The following MMEL1 variants were observed in gnomAD, a reference collection of about 807,000 sequenced individuals.
The protein encoded by MMEL1 is membrane metallo-endopeptidase-like 1.
In MMEL1, 98 loss-of-function variants were observed where a neutral mutation model predicts 117.1. The observed-to-expected ratio is 0.84, with a 90% CI of 0.71 to 0.99. The LOEUF is 0.99. MMEL1 is among the 50% of genes least tolerant of loss of function. The pLI is 0.00. For synonymous variants in MMEL1, 390 were observed against 415.1 expected, an observed-to-expected ratio of 0.94 and a Z score of 0.74; for missense variants, 1,014 against 1,049.1, an observed-to-expected ratio of 0.97 and a Z score of 0.46.
intron 19 of MMEL1, among the ~76,000 whole-genome samples, 185 bp from the exon 20 acceptor site, chr1:2,593,151 G>T (rs1325190659): frequency 6.6e-6 from 1 of 152,204 alleles, no homozygotes; most frequent in South Asian, 2.1e-4. Context: ...GCTGTCTGGG[G>T]CTACACAGCC....
Position 2,595,037 on chromosome 1 carries a change from G to T in MMEL1, c.1585-144C>A. On this transcript the variant is annotated intron_variant, in intron 16 of 23. Coordinates refer to ENST00000378412, the MANE Select transcript of MMEL1 (RefSeq NM_033467.4). The surrounding 1 kb of genome is among the most constrained non-coding windows in gnomAD (Gnocchi z 4.8). The stretch of plus-strand genomic sequence containing the variant: ...AGTCGGCTGTGGGTGCAGGTGAACG[G>T]GGCAGCCCTGGCTGTGGGCATTTAC... 1 of 731,138 alleles carries T rather than the reference G, an allele frequency of 1.4e-6. No homozygotes were observed. Among genetic ancestry groups the T allele is most frequent in the Non-Finnish European group, 2.3e-6 (1 of 433,602 alleles). 45.3% of individuals were successfully genotyped at this position (731,138 alleles called of 1,614,324 possible). A position where few individuals can be genotyped will look rare whatever the true frequency, so the allele number is the denominator to read the frequency against.
chr1:2,597,936 T>C (rs1004834712), intron 13 of MMEL1, among the ~76,000 whole-genome samples: 1 of 152,158 alleles, frequency 6.6e-6, no homozygotes, highest in Admixed American at 6.5e-5. Context: ...TTCAGGCCTT[T>C]AAGGTCTCAA....
intron 2 of MMEL1, among the ~76,000 whole-genome samples, chr1:2,619,522 GTGGCGGACACC>G (rs1227151306): frequency 2.6e-5 from 4 of 152,034 alleles, no homozygotes; most frequent in African/African-American, 9.7e-5. Context: ...GCCAGGCATG[GTGGCGGACACC>G]TGTAATCCCA....
intron 2 of MMEL1, among the ~76,000 whole-genome samples, chr1:2,622,000 C>T (rs976228292): frequency 3.3e-5 from 5 of 152,106 alleles, no homozygotes; most frequent in African/African-American, 7.2e-5. Context: ...TATTTGGCTC[C>T]GAATAAATCT....
intron 13 of MMEL1, 27 bp from the exon 14 acceptor site, chr1:2,596,716 G>C (rs770845423): frequency 6.2e-7 from 1 of 1,608,580 alleles, no homozygotes; most frequent in African/African-American, 1.3e-5. Flanking sequence ...ATCATCCCAC[G>C]GGCCCCCACG....
chr1:2,612,288 A>G lies in MMEL1; in HGVS notation c.155-84T>C, dbSNP rs1011221790. 4 of 1,155,336 alleles carry G rather than the reference A, an allele frequency of 3.5e-6. No individual in the cohort carries two copies. The African/African-American group carries it at 6.1e-5, about 18-fold the overall frequency. The allele number at this position is 1,155,336 out of a possible 1,614,324, so 71.6% of individuals were successfully genotyped here. ...GGGGGCCTCCCTGGGTCAGCACGCC[A>G]TCTTCCCACAGTGCTGGGTGCTGCA... On this transcript the variant is annotated intron_variant, in intron 2 of 23. Coordinates refer to ENST00000378412, the MANE Select transcript of MMEL1 (RefSeq NM_033467.4). The surrounding 1 kb of genome is among the most constrained non-coding windows in gnomAD (Gnocchi z 5.4).
intron 4 of MMEL1, among the ~76,000 whole-genome samples, chr1:2,610,123 C>T (rs1175022959): frequency 6.6e-6 from 1 of 152,136 alleles, no homozygotes; most frequent in East Asian, 1.9e-4. Context: ...TCACTGCAGC[C>T]TTGAACTCCT....
Position 2,607,031 on chromosome 1 carries a change from T to C in MMEL1, c.574A>G (p.Ile192Val), listed in dbSNP as rs1047568946. The change falls in exon 7 of 24, where the codon ATC (isoleucine) becomes GTC (valine). Residue 192 changes from isoleucine (I) to valine (V), a missense_variant. Ile to Val is a conservative substitution (Grantham distance 29). Coordinates refer to ENST00000378412, the MANE Select transcript of MMEL1 (RefSeq NM_033467.4). ...EKRGSQPLLD[I>V]LEVVGGWPVA... is the part of the protein sequence containing the mutation. ...GGCCAGCCTCCCACCACCTCCAAGA[T>C]GTCCAGCAGGGGCTGAGAGCCTCGC... The C allele has an allele frequency of 1.1e-5, 18 of 1,613,502 alleles. No individual in the cohort carries two copies. The East Asian group carries it at 3.8e-4, about 34-fold the overall frequency.
Position 2,594,416 on chromosome 1 carries a change from A to G in MMEL1, c.1716T>C (p.Asn572=). ...GGTTTCGGTTTGGGGAGTAGAACGC[A>G]TTGACCACCGCCGCCCCGATGATCC... The part of the protein sequence containing the change: ...NLWIIGAAVV[N]AFYSPNRNQI... Residue 572 remains asparagine, a synonymous_variant, in exon 18 of 24, where the codon AAT becomes AAC. Transcript: ENST00000378412. 6.4e-7 allele frequency: 1 copy of G among 1,551,618 alleles called. No individual in the cohort carries two copies. The highest frequency in any genetic ancestry group is 8.7e-7 in the Non-Finnish European group (1 of 1,146,974).
intron 2 of MMEL1, among the ~76,000 whole-genome samples, chr1:2,621,596 T>C (rs886546504): frequency 6.6e-6 from 1 of 151,584 alleles, no homozygotes; most frequent in Non-Finnish European, 1.5e-5. Flanking sequence ...GTTTTGGAGA[T>C]GCAGTTTCAT....
chr1:2,614,203 C>T (rs1645170485), intron 2 of MMEL1, among the ~76,000 whole-genome samples: 1 of 152,160 alleles, frequency 6.6e-6, no homozygotes, highest in Non-Finnish European at 1.5e-5. Flanking sequence ...TCAGGGGAAT[C>T]CCAGGATGAA....
At position 2,620,513 on chromosome 1, in the gene MMEL1, G is replaced by T. The variant is rs17365973; in HGVS notation, c.155-8309C>A. ...AAGATTCCCGGGTTTCACTGTTTGG[G>T]GCTTGTTATGGACTGACTTTGTGGT... On this transcript the variant is annotated intron_variant, in intron 2 of 23. Transcript: ENST00000378412. Among the ~76,000 whole-genome samples the T allele has an allele frequency of 3.4e-3, 514 of 152,212 alleles. 3 individuals carry two copies. The highest frequency in any genetic ancestry group is 5.9e-3 in the Non-Finnish European group (402 of 68,000).
intron 11 of MMEL1, 49 bp from the exon 12 acceptor site, chr1:2,598,839 A>C: frequency 6.0e-6 from 9 of 1,501,056 alleles, no homozygotes; most frequent in East Asian, 2.3e-5. Flanking sequence ...GAGAGGGAGA[A>C]ACAGTTCCTG....
chr1:2,604,275 C>T lies in MMEL1; in HGVS notation c.823G>A (p.Glu275Lys). 1 of 1,612,720 alleles carries T rather than the reference C, an allele frequency of 6.2e-7. No individual in the cohort carries two copies. Among genetic ancestry groups the T allele is most frequent in the South Asian group, 1.1e-5 (1 of 91,082 alleles). ...FNGGSNRKVREAYLQFMVSVA... is the reference protein window; with the variant it reads ...FNGGSNRKVRKAYLQFMVSVA... ...GACACCATGAACTGCAGGTAGGCTT[C>T]CCGCACCTGGGCCAAAGGACGCCGG... The change falls in exon 10 of 24, where the codon GAA (glutamate) becomes AAA (lysine). Residue 275 changes from glutamate to lysine, a missense_variant. Physicochemically the swap from Glu to Lys is moderately conservative, Grantham distance 56. Transcript: ENST00000378412.
intron 11 of MMEL1, among the ~76,000 whole-genome samples, chr1:2,600,782 T>C (rs1280758473): frequency 6.6e-6 from 1 of 152,212 alleles, no homozygotes; most frequent in Non-Finnish European, 1.5e-5. Flanking sequence ...AACTAATAAG[T>C]GCATTGAGTA....
chr1:2,596,531 C>T, intron 14 of MMEL1, 30 bp downstream of exon 14: 1 of 1,599,886 alleles, frequency 6.3e-7, no homozygotes, highest in Non-Finnish European at 8.5e-7. Context: ...AAGGCTGGCC[C>T]CGCGTGGGCC....
intron 11 of MMEL1, among the ~76,000 whole-genome samples, chr1:2,599,701 T>C (rs1196821591): frequency 1.3e-5 from 2 of 151,984 alleles, no homozygotes; most frequent in Non-Finnish European, 2.9e-5. Flanking sequence ...CTACTAAAAA[T>C]GCAAAAATTA....
rs555547707 is a variant in MMEL1, at chr1:2,626,505, A to G, written c.154+2826T>C. The stretch of plus-strand genomic sequence containing the variant: ...TTGCTGTCCTAGCAGGAAAGTAGCC[A>G]TAGATGATACATAAATGAATGGGTC... On this transcript the variant is annotated intron_variant, in intron 2 of 23. Transcript: ENST00000378412. Among the ~76,000 whole-genome samples the G allele has an allele frequency of 2.3e-4, 35 of 152,396 alleles. No homozygotes were observed. In the South Asian group the frequency reaches 7.2e-3, roughly 32 times the overall value.
chr1:2,600,911 T>C (rs1185700361), intron 11 of MMEL1, among the ~76,000 whole-genome samples: 1 of 152,194 alleles, frequency 6.6e-6, no homozygotes, highest in East Asian at 1.9e-4. Context: ...AAAATATGTA[T>C]AAGAACTTGA....
Sources: gnomAD v4.1 joint callset for allele counts (sites outside exome capture counted in the v4.1 genomes callset) on GRCh38, gnomAD v4.1.1 for gene constraint, Gnocchi (gnomAD v3.1) non-coding constraint, MANE v1.5 for transcripts, NCBI Gene and HGNC (gene_info 2026-07-23, HGNC 2026-07-21) for gene names.